The following TENT4A variants were observed in gnomAD, a reference collection of about 807,000 sequenced individuals.
TENT4A encodes DNA polymerase kappa.
A neutral mutation model predicts 72.8 loss-of-function variants in TENT4A; 7 were observed. The observed-to-expected ratio is 0.10, with a 90% CI of 0.05 to 0.18. The LOEUF is 0.18. TENT4A is among the 10% of genes least tolerant of loss of function. The pLI, the probability that TENT4A is intolerant of heterozygous loss-of-function variation, is 1.00. For synonymous variants in TENT4A, 456 were observed against 434.3 expected, an observed-to-expected ratio of 1.05 and a Z score of -0.62; for missense variants, 831 against 1,017.7, an observed-to-expected ratio of 0.82 and a Z score of 2.50.
rs745739473 is a variant in TENT4A at position 6,754,992 on chromosome 5, C to G, written c.*47C>G. On this transcript the variant is annotated 3_prime_UTR_variant, in exon 13 of 13. Coordinates refer to ENST00000230859, the MANE Select transcript of TENT4A (RefSeq NM_006999.6). ...TCCCCCACCCCTCTGCAGACTGCCCCGCGGCCTCGGCCACCGGCAGGGGAA... is the reference window on the plus strand; with the variant it reads ...TCCCCCACCCCTCTGCAGACTGCCCGGCGGCCTCGGCCACCGGCAGGGGAA... 1.4e-5 allele frequency: 20 copies of G among 1,477,826 alleles called. No homozygotes were observed. The highest frequency in any genetic ancestry group is 1.6e-5 in the Non-Finnish European group (18 of 1,105,496). 91.5% of individuals were successfully genotyped at this position (1,477,826 alleles called of 1,614,324 possible). A position where few individuals can be genotyped will look rare whatever the true frequency, so the allele number is the denominator to read the frequency against.
intron 1 of TENT4A, among the ~76,000 whole-genome samples, chr5:6,715,315 C>G (rs545304329): frequency 9.2e-5 from 14 of 152,170 alleles, no homozygotes; most frequent in African/African-American, 3.4e-4. Context: ...TTGGAAGGTG[C>G]CATTTTTATT....
At chr5:6,738,877 G>T in intron 3 of TENT4A, 148 bp downstream of exon 3, 1 of 677,744 alleles carries the variant, frequency 1.5e-6, no homozygotes, top group Non-Finnish European at 2.6e-6. Flanking sequence ...AGGGAAATTG[G>T]CAGAAAGATT....
rs944590890 is a variant in TENT4A at position 6,756,804 on chromosome 5, C to T, written c.*1859C>T. 1.3e-5 allele frequency: 2 copies of T among 152,664 alleles called. No homozygotes were observed. The highest frequency in any genetic ancestry group is 2.1e-4 in the South Asian group (1 of 4,814). The allele number at this position is 152,664 out of a possible 1,614,324, so 9.5% of individuals were successfully genotyped here. ...GGAAACCACTACGGGTCTGGCAGTG[C>T]GTGTCCCGTGGGGTGTGCATTTTAA... is the stretch of plus-strand genomic sequence containing the variant. On this transcript the variant is annotated 3_prime_UTR_variant, in exon 13 of 13. Coordinates refer to ENST00000230859, the MANE Select transcript of TENT4A (RefSeq NM_006999.6).
chr5:6,749,742 G>T, intron 9 of TENT4A, 85 bp downstream of exon 9: 2 of 888,316 alleles, frequency 2.3e-6, no homozygotes, highest in South Asian at 1.4e-5. Flanking sequence ...GTGGTAAATT[G>T]GTCAAATTAA....
At chr5:6,730,132 T>C (rs1302897655) in intron 1 of TENT4A, among the ~76,000 whole-genome samples, 3 of 152,008 alleles carry the variant, frequency 2.0e-5, no homozygotes, top group Non-Finnish European at 4.4e-5. Flanking sequence ...TTGCATGGCA[T>C]TTGCAGCATT....
intron 1 of TENT4A, among the ~76,000 whole-genome samples, chr5:6,721,249 G>A (rs1193919343): frequency 6.6e-6 from 1 of 152,228 alleles, no homozygotes; most frequent in Non-Finnish European, 1.5e-5. Context: ...GCAGGTGGGG[G>A]ATGGCAAGTC....
At chr5:6,728,934 G>A (rs1017570879) in intron 1 of TENT4A, among the ~76,000 whole-genome samples, 1 of 152,138 alleles carries the variant, frequency 6.6e-6, no homozygotes, top group African/African-American at 2.4e-5. Context: ...TTTTAATGGT[G>A]CTTTAAATAT....
Position 6,714,631 on chromosome 5 carries a change from C to A in TENT4A, c.648C>A (p.Gly216=), listed in dbSNP as rs990670099. The part of the protein sequence containing the change: ...SRAAALSGGG[G]PGAQAPRPGT... ...CGGCCGCTCTCAGCGGAGGGGGCGG[C>A]CCCGGGGCCCAGGCGCCGCGGCCCG... is the stretch of plus-strand genomic sequence containing the variant. Residue 216 remains glycine (G), a synonymous_variant, in exon 1 of 13, where the codon GGC becomes GGA. Coordinates refer to ENST00000230859, the MANE Select transcript of TENT4A (RefSeq NM_006999.6). 182 of 1,198,414 alleles carry A rather than the reference C, an allele frequency of 1.5e-4. 1 individual carries two copies. The highest frequency in any genetic ancestry group is 2.2e-4 in the Admixed American group (5 of 22,456). 74.2% of individuals were successfully genotyped at this position (1,198,414 alleles called of 1,614,324 possible).
rs995259803 is a variant in TENT4A, at chr5:6,755,447, A to G, written c.*502A>G. ...ATATTGAAAACTTATGATTTGTGCAATAACTCAGATATTTTTTATTTAATT... is the reference window on the plus strand; with the variant it reads ...ATATTGAAAACTTATGATTTGTGCAGTAACTCAGATATTTTTTATTTAATT... On this transcript the variant is annotated 3_prime_UTR_variant, in exon 13 of 13. Transcript: ENST00000230859. The G allele has an allele frequency of 2.0e-5, 3 of 152,826 alleles. No individual in the cohort carries two copies. The highest frequency in any genetic ancestry group is 4.8e-5 in the African/African-American group (2 of 41,468). 9.5% of individuals were successfully genotyped at this position (152,826 alleles called of 1,614,324 possible).
chr5:6,714,206 C>A lies in TENT4A; in HGVS notation c.223C>A (p.Pro75Thr). The A allele has an allele frequency of 2.1e-6, 2 of 972,264 alleles. No individual in the cohort carries two copies. Among genetic ancestry groups the A allele is most frequent in the Non-Finnish European group, 2.4e-6 (2 of 821,720 alleles). 60.2% of individuals were successfully genotyped at this position (972,264 alleles called of 1,614,324 possible). A position where few individuals can be genotyped will look rare whatever the true frequency, so the allele number is the denominator to read the frequency against. The change falls in exon 1 of 13, where the codon CCG becomes ACG. Residue 75 changes from proline to threonine, a missense_variant. Transcript: ENST00000230859. ...CGCGCTGCCCGCCGCGTCGCCCCCGCCGCCCGGCCCCACCGCGCCCGCCGC... is the reference window on the plus strand; with the variant it reads ...CGCGCTGCCCGCCGCGTCGCCCCCGACGCCCGGCCCCACCGCGCCCGCCGC... Reference protein sequence around the residue: ...GPALPAASPPPPGPTAPAALP... With the variant: ...GPALPAASPPTPGPTAPAALP...
intron 1 of TENT4A, among the ~76,000 whole-genome samples, chr5:6,722,671 T>C (rs2126602445): frequency 6.6e-6 from 1 of 151,682 alleles, no homozygotes; most frequent in African/African-American, 2.4e-5. Context: ...GGGCTGTATG[T>C]GCTGCTCCGT....
At chr5:6,742,385 A>T in intron 4 of TENT4A, 105 bp from the exon 5 acceptor site, 1 of 710,416 alleles carries the variant, frequency 1.4e-6, no homozygotes, top group Non-Finnish European at 2.5e-6. Context: ...CCCTTTCATT[A>T]CTAAGAAAAA....
At chr5:6,744,018 G>A (rs1291772238) in intron 6 of TENT4A, among the ~76,000 whole-genome samples, 178 bp downstream of exon 6, 1 of 152,166 alleles carries the variant, frequency 6.6e-6, no homozygotes, top group Admixed American at 6.5e-5. Flanking sequence ...CACCTTTCTG[G>A]ATGCTCATTT....
chr5:6,713,468 A>ACCG lies in TENT4A; in HGVS notation c.-496_-494dup, dbSNP rs904220478. 1.8e-3 allele frequency: 242 copies of ACCG among 137,614 alleles called. 2 individuals are homozygous for ACCG. Among genetic ancestry groups the ACCG allele is most frequent in the South Asian group, 2.5e-3 (12 of 4,856 alleles). The allele number at this position is 137,614 out of a possible 1,614,324, so 8.5% of individuals were successfully genotyped here. On this transcript the variant is annotated 5_prime_UTR_variant, in exon 1 of 13. Transcript: ENST00000230859. ...CTGTCGCCGCCGAGAGTGTCTTTTCACCGCCGCCGCCGCCGCCGCCGCAGG... is the reference window on the plus strand; with the variant it reads ...CTGTCGCCGCCGAGAGTGTCTTTTCACCGCCGCCGCCGCCGCCGCCGCCGCAGG...
chr5:6,753,286 A>C, intron 12 of TENT4A, among the ~76,000 whole-genome samples: 1 of 152,268 alleles, frequency 6.6e-6, no homozygotes, highest in East Asian at 1.9e-4. Flanking sequence ...ACTGATTAGC[A>C]TAAAACTGAA....
At chr5:6,739,099 T>A (rs1231484084) in intron 3 of TENT4A, among the ~76,000 whole-genome samples, 1 of 152,254 alleles carries the variant, frequency 6.6e-6, no homozygotes. Context: ...CAAAATTCTC[T>A]TTAAATAGTA....
intron 10 of TENT4A, chr5:6,750,779 T>A: frequency 1.8e-6 from 1 of 546,788 alleles, no homozygotes; most frequent in East Asian, 2.9e-5. Flanking sequence ...GAGTAGTTTT[T>A]AAAAATTTAT....
chr5:6,750,285 G>A (rs754896264), intron 9 of TENT4A, 46 bp from the exon 10 acceptor site: 39 of 1,528,610 alleles, frequency 2.6e-5, no homozygotes, highest in Non-Finnish European at 3.1e-5. Context: ...GCGGCTCCAC[G>A]CCGCAGTTCT....
chr5:6,736,313 A>C (rs1162084582), intron 1 of TENT4A, among the ~76,000 whole-genome samples: 1 of 152,072 alleles, frequency 6.6e-6, no homozygotes, highest in East Asian at 1.9e-4. Flanking sequence ...CAAGAGCCAA[A>C]CTGTAGGCTG....
Sources: gnomAD v4.1 joint callset for allele counts (sites outside exome capture counted in the v4.1 genomes callset) on GRCh38, gnomAD v4.1.1 for gene constraint, MANE v1.5 for transcripts, NCBI Gene and HGNC (gene_info 2026-07-23, HGNC 2026-07-21) for gene names.